Variants in ADAMTS6 observed in about 807,000 individuals in gnomAD.
ADAMTS6 encodes A disintegrin and metalloproteinase with thrombospondin motifs 6.
ADAMTS6 carries 23 observed loss-of-function variants against 144.3 expected under a neutral mutation model. The observed-to-expected ratio is 0.16, with a 90% CI of 0.11 to 0.23. The LOEUF (loss-of-function observed/expected upper bound fraction) is 0.23. ADAMTS6 is among the 10% of genes least tolerant of loss of function. ADAMTS6 has a pLI of 1.00. For missense variants in ADAMTS6, 999 were observed against 1,379.6 expected (o/e 0.72, Z 4.37); for synonymous variants, 444 against 457.5 (o/e 0.97, Z 0.38).
chr5:65,360,819 TC>T (rs1432792023), intron 7 of ADAMTS6, among the ~76,000 whole-genome samples: 1 of 152,178 alleles, frequency 6.6e-6, no homozygotes, highest in Non-Finnish European at 1.5e-5. Context: ...CAAAATATGT[TC>T]TTAAAACAAC....
chr5:65,345,607 C>T (rs746517646), intron 7 of ADAMTS6, among the ~76,000 whole-genome samples: 20 of 151,688 alleles, frequency 1.3e-4, no homozygotes, highest in Admixed American at 2.6e-4. Context: ...AATTTAGAAA[C>T]TTTTCTATAA....
intron 15 of ADAMTS6, among the ~76,000 whole-genome samples, chr5:65,229,364 A>C (rs1265643570): frequency 6.6e-6 from 1 of 152,226 alleles, no homozygotes; most frequent in Non-Finnish European, 1.5e-5. Context: ...CTCCACATGC[A>C]AAGACAGCAA....
intron 3 of ADAMTS6, among the ~76,000 whole-genome samples, chr5:65,469,525 A>C (rs1395743396): frequency 2.0e-5 from 3 of 152,250 alleles, no homozygotes; most frequent in Non-Finnish European, 4.4e-5. Context: ...TATTTAAAAA[A>C]ATAAATCTGT....
intron 14 of ADAMTS6, chr5:65,251,874 C>T (rs370168986): frequency 4.6e-5 from 7 of 152,230 alleles, no homozygotes; most frequent in African/African-American, 1.7e-4. Flanking sequence ...TCTTTGAAAT[C>T]GGGTTAAGAG....
intron 20 of ADAMTS6, among the ~76,000 whole-genome samples, chr5:65,205,968 G>C (rs1756058349): frequency 6.6e-6 from 1 of 152,130 alleles, no homozygotes; most frequent in Non-Finnish European, 1.5e-5. Context: ...GTACAGAAGA[G>C]TCTCCAGTTT....
chr5:65,222,168 A>G (rs1757367107), intron 18 of ADAMTS6, among the ~76,000 whole-genome samples: 1 of 152,190 alleles, frequency 6.6e-6, no homozygotes, highest in Admixed American at 6.5e-5. Flanking sequence ...AGCAAAAATA[A>G]TGTTGAAAAA....
chr5:65,376,314 G>A (rs1045573785), intron 7 of ADAMTS6, among the ~76,000 whole-genome samples: 3 of 152,056 alleles, frequency 2.0e-5, no homozygotes, highest in African/African-American at 7.2e-5. Context: ...AGCCGGACAT[G>A]GTGGCACGCG....
At chr5:65,464,594 C>T (rs1339844543) in intron 3 of ADAMTS6, among the ~76,000 whole-genome samples, 1 of 151,954 alleles carries the variant, frequency 6.6e-6, no homozygotes, top group Non-Finnish European at 1.5e-5. Context: ...GTTCACAATC[C>T]CCCTGAATCC....
chr5:65,256,757 C>T (rs1036517216), intron 14 of ADAMTS6, among the ~76,000 whole-genome samples: 1 of 151,984 alleles, frequency 6.6e-6, no homozygotes, highest in Non-Finnish European at 1.5e-5. Context: ...CCCAACCCTG[C>T]AATTATATAA....
intron 7 of ADAMTS6, among the ~76,000 whole-genome samples, chr5:65,345,260 A>G (rs1010916071): frequency 1.3e-5 from 2 of 151,698 alleles, no homozygotes; most frequent in African/African-American, 4.8e-5. Context: ...CCATTTCCCA[A>G]TTCACAGAAA....
intron 22 of ADAMTS6, among the ~76,000 whole-genome samples, chr5:65,186,569 G>C (rs1754683892): frequency 6.6e-6 from 1 of 152,102 alleles, no homozygotes; most frequent in East Asian, 1.9e-4. Flanking sequence ...ATTTCTATAA[G>C]GGTCCTGGGC....
In ADAMTS6 at chr5:65,291,825, A is replaced by C. The variant is rs189110745; in HGVS notation, c.1371-355T>G. 2.0e-3 allele frequency among the ~76,000 whole-genome samples: 309 copies of C among 152,296 alleles called. 2 individuals carry two copies. The highest frequency in any genetic ancestry group is 7.1e-3 in the African/African-American group (296 of 41,570). On this transcript the variant is annotated intron_variant, in intron 10 of 24. Transcript: ENST00000381055. ...ATAACCACATCTGGTAGTAGAATTA[A>C]AAACATGAAATGCAGAAAATTAAAA...
intron 7 of ADAMTS6, among the ~76,000 whole-genome samples, chr5:65,448,864 A>G (rs1188643806): frequency 2.0e-5 from 3 of 152,330 alleles, no homozygotes; most frequent in Admixed American, 6.5e-5. Context: ...GAACATGTTA[A>G]TAAGTGAGTT....
intron 24 of ADAMTS6, among the ~76,000 whole-genome samples, chr5:65,167,902 C>T (rs1753297249): frequency 1.6e-5 from 1 of 63,918 alleles, no homozygotes; most frequent in African/African-American, 6.3e-5. Flanking sequence ...TAAGAGCTAT[C>T]TATGACAAAC....
At chr5:65,320,879 C>A (rs1338430948) in intron 9 of ADAMTS6, among the ~76,000 whole-genome samples, 3 of 152,184 alleles carry the variant, frequency 2.0e-5, no homozygotes, top group African/African-American at 7.2e-5. Context: ...AGGACATGAT[C>A]TCATTCTTTT....
intron 12 of ADAMTS6, among the ~76,000 whole-genome samples, chr5:65,266,322 T>C (rs1394158076): frequency 6.6e-6 from 1 of 151,954 alleles, no homozygotes; most frequent in East Asian, 1.9e-4. Flanking sequence ...TCATAAATGG[T>C]TTGCTAAAAG....
intron 18 of ADAMTS6, among the ~76,000 whole-genome samples, chr5:65,218,062 T>TG (rs1757059397): frequency 2.0e-5 from 3 of 152,104 alleles, no homozygotes; most frequent in Admixed American, 1.3e-4. Flanking sequence ...CTGGGAAGGC[T>TG]GACATAGCTG....
chr5:65,462,472 TAA>T (rs1759699989), intron 3 of ADAMTS6, among the ~76,000 whole-genome samples: 1 of 152,214 alleles, frequency 6.6e-6, no homozygotes, highest in Non-Finnish European at 1.5e-5. Context: ...AGGTACTTTG[TAA>T]AATGTTTATA....
chr5:65,462,949 A>G (rs1045423872), intron 3 of ADAMTS6, among the ~76,000 whole-genome samples: 1 of 151,952 alleles, frequency 6.6e-6, no homozygotes, highest in African/African-American at 2.4e-5. Flanking sequence ...GCATGGTGGC[A>G]CACGCCTGTA....
Sources: gnomAD v4.1 joint callset for allele counts (sites outside exome capture counted in the v4.1 genomes callset) on GRCh38, gnomAD v4.1.1 for gene constraint, MANE v1.5 for transcripts, NCBI Gene and HGNC (gene_info 2026-07-23, HGNC 2026-07-21) for gene names.